ST18: variants seen among roughly 807,000 people sequenced by gnomAD.
ST18 encodes the protein ST18 C2H2C-type zinc finger transcription factor.
A neutral mutation model predicts 110.0 loss-of-function variants in ST18; 50 were observed. That is an observed-to-expected ratio of 0.45 (90% CI 0.36 to 0.58). The LOEUF is 0.58. Ranked by LOEUF, ST18 falls within the 20% of genes least tolerant of loss-of-function variation. ST18 has a pLI of 0.00. For synonymous variants in ST18, 461 were observed against 452.4 expected, an observed-to-expected ratio of 1.02 and a Z score of -0.24; for missense variants, 1,306 against 1,280.1, an observed-to-expected ratio of 1.02 and a Z score of -0.31.
chr8:52,324,746 C>T (rs1261494110), intron 2 of ST18, among the ~76,000 whole-genome samples: 1 of 152,208 alleles, frequency 6.6e-6, no homozygotes, highest in African/African-American at 2.4e-5. Context: ...AGTGATTATA[C>T]TGGGCATAGA....
At chr8:52,371,255 A>G (rs1240506932) in intron 2 of ST18, among the ~76,000 whole-genome samples, 1 of 152,230 alleles carries the variant, frequency 6.6e-6, no homozygotes, top group Non-Finnish European at 1.5e-5. Context: ...CATCTACTCC[A>G]TAATAATATT....
intron 17 of ST18, 89 bp from the exon 18 acceptor site, chr8:52,137,572 T>C: frequency 7.6e-7 from 1 of 1,315,782 alleles, no homozygotes; most frequent in South Asian, 1.3e-5. Context: ...AGGTAGCTTC[T>C]CTGTGCGAGA....
At chr8:52,275,446 G>A (rs1000701727) in intron 2 of ST18, among the ~76,000 whole-genome samples, 1 of 152,082 alleles carries the variant, frequency 6.6e-6, no homozygotes, top group African/African-American at 2.4e-5. Context: ...CAGGGCATTT[G>A]GTGTGTCATA....
At chr8:52,165,005 A>G in intron 12 of ST18, 130 bp downstream of exon 12, 1 of 787,520 alleles carries the variant, frequency 1.3e-6, no homozygotes, top group Non-Finnish European at 2.1e-6. Context: ...TTTCTTCTCT[A>G]TTTCAAGTGT....
intron 2 of ST18, among the ~76,000 whole-genome samples, chr8:52,327,538 C>T (rs1368943982): frequency 6.6e-6 from 1 of 152,224 alleles, no homozygotes; most frequent in African/African-American, 2.4e-5. Flanking sequence ...TCTGGTTACT[C>T]TGATATTCTC....
Position 52,132,161 on chromosome 8 carries a change from A to AC in ST18, c.2462dup (p.Cys821TrpfsTer2). 6.2e-7 allele frequency: 1 copy of AC among 1,612,666 alleles called. No individual in the cohort carries two copies. Among genetic ancestry groups the AC allele is most frequent in the Non-Finnish European group, 8.5e-7 (1 of 1,179,692 alleles). On this transcript the variant is annotated frameshift_variant, in exon 22 of 26. Coordinates refer to ENST00000689386, the MANE Select transcript of ST18 (RefSeq NM_001352837.2). LOFTEE classifies it high-confidence loss of function. Reference sequence around the variant, plus strand: ...TACCTGATATGTGACCTTGGCCATCACACCCTATCACAGGACATCTAGAGA... The same window carrying AC: ...TACCTGATATGTGACCTTGGCCATCACCACCCTATCACAGGACATCTAGAGA...
chr8:52,379,313 G>C (rs1833633604), intron 2 of ST18, among the ~76,000 whole-genome samples: 1 of 151,764 alleles, frequency 6.6e-6, no homozygotes, highest in Non-Finnish European at 1.5e-5. Context: ...GGCCAGGCTG[G>C]TCTCTAACTC....
chr8:52,242,447 G>A (rs1026076091), intron 2 of ST18, among the ~76,000 whole-genome samples: 4 of 152,204 alleles, frequency 2.6e-5, no homozygotes, highest in African/African-American at 7.2e-5. Flanking sequence ...TCTCCATGGT[G>A]CAGTTTTCTC....
chr8:52,271,317 T>C (rs1334772760), intron 2 of ST18, among the ~76,000 whole-genome samples: 7 of 152,230 alleles, frequency 4.6e-5, no homozygotes, highest in Non-Finnish European at 8.8e-5. Context: ...CAATGCACAC[T>C]GCCACCATGG....
chr8:52,116,360 TG>T lies in ST18; in HGVS notation c.2917del (p.Gln973ArgfsTer7). The T allele has an allele frequency of 6.2e-7, 1 of 1,614,078 alleles. No homozygotes were observed. Among genetic ancestry groups the T allele is most frequent in the Non-Finnish European group, 8.5e-7 (1 of 1,179,962 alleles). On this transcript the variant is annotated frameshift_variant, in exon 25 of 26. Transcript: ENST00000689386. LOFTEE classifies it high-confidence loss of function. Reference sequence around the variant, plus strand: ...CTCTTTCAGCAGACTTTCATTGTTCTGTTCTATGAGTTTGTTCTCCTCCTCT... The same window carrying T: ...CTCTTTCAGCAGACTTTCATTGTTCTTTCTATGAGTTTGTTCTCCTCCTCT... ...TIEEENKLIEQNNESLLKELA... is the reference protein window; with the variant it reads ...TIEEENKLIEXNNESLLKELA...
chr8:52,133,965 A>G (rs753985178), intron 19 of ST18, among the ~76,000 whole-genome samples: 17 of 152,152 alleles, frequency 1.1e-4, no homozygotes, highest in Non-Finnish European at 2.1e-4. Flanking sequence ...TCCTGACCTC[A>G]GGTGATCTGC....
intron 2 of ST18, among the ~76,000 whole-genome samples, chr8:52,381,653 G>A (rs924644535): frequency 3.3e-5 from 5 of 152,060 alleles, no homozygotes; most frequent in African/African-American, 7.2e-5. Flanking sequence ...TTAACTCATC[G>A]CGTTAATAAT....
intron 2 of ST18, among the ~76,000 whole-genome samples, chr8:52,360,177 C>A (rs1266859837): frequency 6.6e-6 from 1 of 151,982 alleles, no homozygotes; most frequent in African/African-American, 2.4e-5. Flanking sequence ...TAAATCTTAA[C>A]CTGTCAGTCT....
intron 2 of ST18, among the ~76,000 whole-genome samples, chr8:52,232,923 A>C (rs2091813519): frequency 1.3e-5 from 2 of 152,016 alleles, no homozygotes; most frequent in South Asian, 4.1e-4. Context: ...TGAACTTATC[A>C]ACTAGTTCTC....
At chr8:52,389,802 A>G (rs914814154) in intron 2 of ST18, among the ~76,000 whole-genome samples, 2 of 152,268 alleles carry the variant, frequency 1.3e-5, no homozygotes, top group African/African-American at 4.8e-5. Flanking sequence ...GCCGGAGCCG[A>G]GGGGCAGTAG....
At chr8:52,195,254 T>C (rs967876161) in intron 8 of ST18, among the ~76,000 whole-genome samples, 2 of 152,222 alleles carry the variant, frequency 1.3e-5, no homozygotes, top group African/African-American at 4.8e-5. Flanking sequence ...ATGTGGATTT[T>C]AGAATCAAGA....
chr8:52,277,442 C>T (rs1284535528), intron 2 of ST18, among the ~76,000 whole-genome samples: 2 of 152,196 alleles, frequency 1.3e-5, no homozygotes, highest in African/African-American at 4.8e-5. Context: ...CTTTTCTCCA[C>T]TTTCTTCCAC....
chr8:52,244,635 C>G (rs1259516736), intron 2 of ST18, among the ~76,000 whole-genome samples: 3 of 152,130 alleles, frequency 2.0e-5, no homozygotes, highest in African/African-American at 7.2e-5. Context: ...TCCATTTCCC[C>G]AGGTCTGACA....
rs2058388335 is a variant in ST18, at chr8:52,149,972, G to A, written c.1812C>T (p.Ala604=). ...NKPQSLHAKG[A]EIEVDENGTL... is the part of the protein sequence containing the mutation. ...TGCCATTTTCATCCACTTCTATTTC[G>A]GCTCCCTGGTATACAATAGGAAACA... Residue 604 remains alanine, a synonymous_variant, in exon 16 of 26, where the codon GCC becomes GCT. Transcript: ENST00000689386. 8 of 1,613,154 alleles carry A rather than the reference G, an allele frequency of 5.0e-6. No individual in the cohort carries two copies. The highest frequency in any genetic ancestry group is 1.7e-5 in the Admixed American group (1 of 59,938).
Sources: allele counts gnomAD v4.1 joint callset (sites outside exome capture counted in the v4.1 genomes callset), GRCh38; gene constraint gnomAD v4.1.1; transcripts MANE v1.5; gene names NCBI Gene and HGNC (gene_info 2026-07-23, HGNC 2026-07-21).